The following KDM2A variants were observed in gnomAD, a reference collection of about 807,000 sequenced individuals.
The protein encoded by KDM2A is lysine demethylase 2A.
Under a neutral mutation model 137.3 loss-of-function variants are expected in KDM2A, and 3 were observed. The ratio of observed to expected loss-of-function variants is 0.02; its 90% confidence interval spans 0.01 to 0.06. The LOEUF is 0.06. KDM2A is among the 10% of genes least tolerant of loss of function. The pLI, the probability that KDM2A is intolerant of heterozygous loss-of-function variation, is 1.00. For synonymous variants in KDM2A, 512 were observed against 541.5 expected (o/e 0.95, Z 0.76); for missense variants, 738 against 1,510.6 (o/e 0.49, Z 8.48).
intron 2 of KDM2A, among the ~76,000 whole-genome samples, chr11:67,146,760 T>G (rs956190307): frequency 6.6e-6 from 1 of 152,130 alleles, no homozygotes; most frequent in Admixed American, 6.6e-5. Flanking sequence ...TCTGCATGCC[T>G]CAGACTCCCA....
intron 11 of KDM2A, among the ~76,000 whole-genome samples, chr11:67,230,107 T>C (rs1314943607): frequency 6.7e-6 from 1 of 150,098 alleles, no homozygotes; most frequent in African/African-American, 2.5e-5. Context: ...ACCCAGAAGG[T>C]GGAGCTTGCA....
chr11:67,210,002 G>T (rs1332425975), intron 6 of KDM2A, among the ~76,000 whole-genome samples: 2 of 151,918 alleles, frequency 1.3e-5, no homozygotes, highest in African/African-American at 4.8e-5. Flanking sequence ...TGAGGCTGCA[G>T]TGAGCTGTGA....
chr11:67,225,272 A>G (rs1454914784), intron 10 of KDM2A, among the ~76,000 whole-genome samples: 1 of 152,086 alleles, frequency 6.6e-6, no homozygotes, highest in Admixed American at 6.5e-5. Context: ...TTCTACTTAC[A>G]AAATATAGTT....
chr11:67,252,239 G>T (rs1859450907), intron 17 of KDM2A: 1 of 192,746 alleles, frequency 5.2e-6, no homozygotes, highest in Admixed American at 5.3e-5. Flanking sequence ...GTAGCACCCT[G>T]CATTTCAGGC....
intron 12 of KDM2A, among the ~76,000 whole-genome samples, chr11:67,237,446 T>TATG (rs1245931831): frequency 6.7e-6 from 1 of 149,990 alleles, no homozygotes; most frequent in Non-Finnish European, 1.5e-5. Context: ...TTTTCTTTAT[T>TATG]ATTATTATTA....
At chr11:67,179,559 C>T (rs1039171250) in intron 2 of KDM2A, among the ~76,000 whole-genome samples, 3 of 152,198 alleles carry the variant, frequency 2.0e-5, no homozygotes, top group Non-Finnish European at 2.9e-5. Flanking sequence ...GGATTACAGG[C>T]GTGAGCCACC....
At position 67,250,328 on chromosome 11, in the gene KDM2A, G is replaced by T. The variant is rs772891417; in HGVS notation, c.2298G>T (p.Gln766His). The T allele has an allele frequency of 4.3e-6, 7 of 1,613,852 alleles. No individual in the cohort carries two copies. In the African/African-American group the frequency reaches 8.0e-5, roughly 18 times the overall value. Residue 766 changes from glutamine to histidine, a missense_variant, in exon 17 of 21, where the codon CAG becomes CAT. Physicochemically the swap from Gln to His is conservative, Grantham distance 24. Around this residue, in one of 9 missense-constraint regions of KDM2A, gnomAD observed 244 missense variants for 324.6 expected, o/e 0.75. Coordinates refer to ENST00000529006, the MANE Select transcript of KDM2A (RefSeq NM_012308.3). The surrounding 1 kb of genome is among the most constrained non-coding windows in gnomAD (Gnocchi z 7.1). The part of the protein sequence containing the change: ...RFKRRQLLRL[Q>H]ATERTMVREK... ...AACGGCGGCAGTTGCTGCGGCTGCA[G>T]GCCACAGAGCGCACCATGGTACGGG...
chr11:67,181,313 G>T lies in KDM2A; in HGVS notation c.182-7G>T, dbSNP rs377444009. 7.6e-5 allele frequency: 121 copies of T among 1,586,998 alleles called. No homozygotes were observed. The African/African-American group carries it at 1.5e-3, about 19-fold the overall frequency. ...CTTATCTTTCTAATATTTTCCTATG[G>T]TGACAGATTTTAATGTAGAGTATAT... On this transcript the variant is annotated splice_region_variant and splice_polypyrimidine_tract_variant and intron_variant, in intron 3 of 20. Coordinates refer to ENST00000529006, the MANE Select transcript of KDM2A (RefSeq NM_012308.3).
At chr11:67,223,254 G>A (rs988886336) in intron 10 of KDM2A, among the ~76,000 whole-genome samples, 10 of 151,788 alleles carry the variant, frequency 6.6e-5, no homozygotes, top group Non-Finnish European at 1.0e-4. Flanking sequence ...ATTGATATGC[G>A]GCATAAGTAA....
At chr11:67,188,131 T>A (rs540897614) in intron 5 of KDM2A, among the ~76,000 whole-genome samples, 1 of 152,012 alleles carries the variant, frequency 6.6e-6, no homozygotes, top group South Asian at 2.1e-4. Flanking sequence ...TTTGAGGCTG[T>A]TCTGATCACA....
intron 5 of KDM2A, among the ~76,000 whole-genome samples, chr11:67,201,772 CAAAAAAAAAAAAAAAAAA>C (rs71056184): frequency 0.025 from 964 of 37,970 alleles, 52 homozygotes; most frequent in African/African-American, 0.099. Context: ...GACTCCATCT[CAAAAAAAAAAAAAAAAAA>C]AAAAAAAAAA....
rs189291101 is a variant in KDM2A at position 67,193,610 on chromosome 11, C to T, written c.307+11718C>T. ...GCATGGTGGCTCACGCCTGTAATCC[C>T]GGCACTTTGGGAGGCTGAGGCAGAC... On this transcript the variant is annotated intron_variant, in intron 5 of 20. Coordinates refer to ENST00000529006, the MANE Select transcript of KDM2A (RefSeq NM_012308.3). Among the ~76,000 whole-genome samples, 40 of 152,194 alleles carry T rather than the reference C, an allele frequency of 2.6e-4. No homozygotes were observed. The East Asian group carries it at 7.1e-3, about 27-fold the overall frequency.
chr11:67,197,806 C>T (rs1403801926), intron 5 of KDM2A, among the ~76,000 whole-genome samples: 1 of 152,112 alleles, frequency 6.6e-6, no homozygotes, highest in Non-Finnish European at 1.5e-5. Flanking sequence ...ACAGTTGACC[C>T]TTGAACAATG....
intron 2 of KDM2A, among the ~76,000 whole-genome samples, chr11:67,161,447 T>C (rs1332405633): frequency 1.3e-5 from 2 of 152,216 alleles, no homozygotes; most frequent in African/African-American, 2.4e-5. Context: ...TAGTATGTTG[T>C]AGTACAGTGT....
At chr11:67,239,922 G>T (rs1565419947) in intron 12 of KDM2A, 1 of 448,050 alleles carries the variant, frequency 2.2e-6, no homozygotes, top group Non-Finnish European at 3.2e-6. Context: ...CCCTGGCAGG[G>T]CCTCTTCCAA....
chr11:67,177,093 A>G (rs1856986631), intron 2 of KDM2A, among the ~76,000 whole-genome samples: 1 of 152,086 alleles, frequency 6.6e-6, no homozygotes, highest in South Asian at 2.1e-4. Context: ...CCCTGTCTCT[A>G]CAAAAATACA....
chr11:67,191,593 A>G (rs899090797), intron 5 of KDM2A, among the ~76,000 whole-genome samples: 3 of 152,256 alleles, frequency 2.0e-5, no homozygotes, highest in Non-Finnish European at 4.4e-5. Flanking sequence ...AAAAAGTTAC[A>G]TGATCATCTC....
At chr11:67,184,311 T>C (rs1857154901) in intron 5 of KDM2A, among the ~76,000 whole-genome samples, 1 of 151,434 alleles carries the variant, frequency 6.6e-6, no homozygotes, top group African/African-American at 2.4e-5. Context: ...CTGGCCAACA[T>C]GGGGAAACTC....
At chr11:67,203,458 T>A (rs1479963567) in intron 5 of KDM2A, among the ~76,000 whole-genome samples, 8 of 4,256 alleles carry the variant, frequency 1.9e-3, no homozygotes, top group Admixed American at 3.1e-3. Context: ...TAATTATATT[T>A]ATTAATTATT....
Sources: gnomAD v4.1 joint callset for allele counts (sites outside exome capture counted in the v4.1 genomes callset) on GRCh38, gnomAD v4.1.1 for gene constraint, gnomAD v4.1.1 regional missense constraint, Gnocchi (gnomAD v3.1) non-coding constraint, MANE v1.5 for transcripts, NCBI Gene and HGNC (gene_info 2026-07-23, HGNC 2026-07-21) for gene names.